RNF216: variants seen among roughly 807,000 people sequenced by gnomAD.
The protein encoded by RNF216 is E3 ubiquitin-protein ligase RNF216.
A neutral mutation model predicts 110.8 loss-of-function variants in RNF216; 72 were observed. That is an observed-to-expected ratio of 0.65 (90% CI 0.54 to 0.79). The LOEUF (loss-of-function observed/expected upper bound fraction) is 0.79, where lower values mean the gene tolerates loss of function less well. Among genes scored for constraint, RNF216 ranks in the 30% least tolerant of loss-of-function variants. The pLI is 0.00. For synonymous variants in RNF216, 495 were observed against 407.5 expected (o/e 1.21, Z -2.59); for missense variants, 1,342 against 1,141.2 (o/e 1.18, Z -2.54).
At position 5,660,265 on chromosome 7, in the gene RNF216, C is replaced by CTTTTTTTTTTTTT. The variant is rs66617363; in HGVS notation, c.2062-7768_2062-7756dup. 3.3e-4 allele frequency among the ~76,000 whole-genome samples: 11 copies of CTTTTTTTTTTTTT among 33,650 alleles called. 3 individuals are homozygous for CTTTTTTTTTTTTT. The highest frequency in any genetic ancestry group is 1.1e-3 in the South Asian group (1 of 920). The allele number at this position is 33,650 out of a possible 152,430, so 22.1% of individuals were successfully genotyped here. A position where few individuals can be genotyped will look rare whatever the true frequency, so the allele number is the denominator to read the frequency against. On this transcript the variant is annotated intron_variant, in intron 13 of 16. Transcript: ENST00000389902. ...ACAGAGCCCGGCCCTGTTTTAAATT[C>CTTTTTTTTTTTTT]TTTTTTTTTTTTTTTTTTTTTTTTT...
Position 5,622,821 on chromosome 7 carries a change from C to T in RNF216, c.*39G>A. 6.4e-7 allele frequency: 1 copy of T among 1,550,596 alleles called. No individual in the cohort carries two copies. The highest frequency in any genetic ancestry group is 2.3e-5 in the East Asian group (1 of 44,142). On this transcript the variant is annotated 3_prime_UTR_variant, in exon 17 of 17. Transcript: ENST00000389902. ...GGGTTCTCCATCCACACTCCTACCC[C>T]AAACGGGCTTTGTGCTGCTCAATGG...
In RNF216 at chr7:5,715,139, C is replaced by A. The variant is rs1461363835; in HGVS notation, c.1747G>T (p.Glu583Ter). 1 of 1,613,908 alleles carries A rather than the reference C, an allele frequency of 6.2e-7. No individual in the cohort carries two copies. Among genetic ancestry groups the A allele is most frequent in the East Asian group, 2.2e-5 (1 of 44,888 alleles). ...TGAGCATCTGCGCACTGCGTCAGCT[C>A]CTCGAATGGAAATTCCCCATAGCAG... ...RCCYGEFPFEELTQCADAHLF... is the reference protein window; with the variant it reads ...RCCYGEFPFE The change falls in exon 11 of 17, where the codon GAG (glutamate) becomes TAG (stop). Residue 583 changes from glutamate to a stop codon, truncating the protein, a stop_gained. Coordinates refer to ENST00000389902, the MANE Select transcript of RNF216 (RefSeq NM_207111.4). LOFTEE classifies it high-confidence loss of function.
At chr7:5,631,908 G>A (rs1214381507) in intron 15 of RNF216, among the ~76,000 whole-genome samples, 2 of 152,166 alleles carry the variant, frequency 1.3e-5, no homozygotes, top group African/African-American at 2.4e-5. Context: ...TGCCTTGTAC[G>A]GATTGCTTAG....
chr7:5,623,120 C>A lies in RNF216; in HGVS notation c.2512G>T (p.Val838Leu). ...LEKPVEKVQR[V>L]EALPRPVPQN... ...GGAACGGGCCTCGGGAGGGCCTCCA[C>A]CCTCTGCACCTTCTCCACAGGCTTC... Residue 838 changes from valine (V) to leucine (L), a missense_variant, in exon 17 of 17, where the codon GTG becomes TTG. By Grantham distance (32) the Val-to-Leu change is conservative. Coordinates refer to ENST00000389902, the MANE Select transcript of RNF216 (RefSeq NM_207111.4). The A allele has an allele frequency of 6.2e-7, 1 of 1,600,216 alleles. No individual in the cohort carries two copies. The highest frequency in any genetic ancestry group is 8.6e-7 in the Non-Finnish European group (1 of 1,169,496).
chr7:5,630,076 G>A (rs1786977322), intron 15 of RNF216, among the ~76,000 whole-genome samples: 1 of 151,990 alleles, frequency 6.6e-6, no homozygotes, highest in African/African-American at 2.4e-5. Flanking sequence ...CTGGGAGAGG[G>A]GAAAAATAGA....
At chr7:5,715,873 T>TG (rs1375533307) in intron 10 of RNF216, among the ~76,000 whole-genome samples, 1 of 150,684 alleles carries the variant, frequency 6.6e-6, no homozygotes, top group African/African-American at 2.4e-5. Flanking sequence ...TCCCGAGTAG[T>TG]GGGGATTACA....
At chr7:5,731,818 C>T (rs1415185862) in intron 5 of RNF216, among the ~76,000 whole-genome samples, 4 of 146,320 alleles carry the variant, frequency 2.7e-5, no homozygotes, top group Non-Finnish European at 5.9e-5. Flanking sequence ...AATAGTAGAA[C>T]AGGAGGTCTG....
At chr7:5,676,391 G>A (rs1790299527) in intron 13 of RNF216, among the ~76,000 whole-genome samples, 2 of 152,178 alleles carry the variant, frequency 1.3e-5, no homozygotes, top group African/African-American at 4.8e-5. Context: ...AAACAAAGCT[G>A]CCCTTAAAAG....
Position 5,729,499 on chromosome 7 carries a change from A to T in RNF216, c.1322T>A (p.Val441Glu), listed in dbSNP as rs1793959882. Residue 441 changes from valine (V) to glutamate (E), a missense_variant, in exon 7 of 17, where the codon GTG (valine) becomes GAG (glutamate). Transcript: ENST00000389902. ...AADLLMADFK[V>E]LSSQDIKWAL... Reference sequence around the variant, plus strand: ...CCACTTGATGTCCTGACTACTGAGCACTTTGAAGTCGGCCATGAGGAGGTC... The same window carrying T: ...CCACTTGATGTCCTGACTACTGAGCTCTTTGAAGTCGGCCATGAGGAGGTC... 1 of 1,614,168 alleles carries T rather than the reference A, an allele frequency of 6.2e-7. No individual in the cohort carries two copies. Among genetic ancestry groups the T allele is most frequent in the African/African-American group, 1.3e-5 (1 of 75,040 alleles).
intron 4 of RNF216, among the ~76,000 whole-genome samples, chr7:5,740,104 C>CTTTTTTTTTTTTTTTTTTTTTT (rs71004698): frequency 2.5e-5 from 3 of 118,488 alleles, no homozygotes; most frequent in South Asian, 2.7e-4. Context: ...GATGTAACAC[C>CTTTTTTTTTTTTTTTTTTTTTT]TTTTTTTTTT....
intron 15 of RNF216, among the ~76,000 whole-genome samples, chr7:5,635,129 C>A (rs1409566717): frequency 6.6e-6 from 1 of 152,140 alleles, no homozygotes; most frequent in Non-Finnish European, 1.5e-5. Flanking sequence ...TCTCCCTCAT[C>A]TGCAAAATAG....
At chr7:5,651,458 G>A (rs1788383517) in intron 14 of RNF216, among the ~76,000 whole-genome samples, 1 of 151,900 alleles carries the variant, frequency 6.6e-6, no homozygotes, top group South Asian at 2.1e-4. Flanking sequence ...TCTCAAATTC[G>A]TGAGCTCAAG....
chr7:5,766,919 C>T (rs1796238605), intron 1 of RNF216: 1 of 152,180 alleles, frequency 6.6e-6, no homozygotes, highest in Admixed American at 6.5e-5. Context: ...ATGATAATGT[C>T]CTTGGGTCCT....
chr7:5,646,450 T>A (rs532083161), intron 14 of RNF216, among the ~76,000 whole-genome samples: 1 of 151,912 alleles, frequency 6.6e-6, no homozygotes, highest in East Asian at 1.9e-4. Flanking sequence ...TCCCAGCACC[T>A]TGGGAGGCAG....
intron 2 of RNF216, among the ~76,000 whole-genome samples, chr7:5,759,637 T>TC: frequency 6.9e-6 from 1 of 145,376 alleles, no homozygotes; most frequent in Non-Finnish European, 1.5e-5. Flanking sequence ...TTTCTTCTTT[T>TC]TTTTTTTTTT....
chr7:5,624,251 T>G lies in RNF216; in HGVS notation c.2383-126A>C. On this transcript the variant is annotated intron_variant, in intron 15 of 16. Transcript: ENST00000389902. The surrounding 1 kb of genome is among the most constrained non-coding windows in gnomAD (Gnocchi z 4.4). ...AAGCCCGAAGCCTGCTGCTGGCCAG[T>G]GGGGCCTGGGCTGCACACCGTTCCT... The G allele has an allele frequency of 1.4e-6, 1 of 732,572 alleles. No homozygotes were observed. The highest frequency in any genetic ancestry group is 2.3e-6 in the Non-Finnish European group (1 of 435,084). 45.4% of individuals were successfully genotyped at this position (732,572 alleles called of 1,614,324 possible). A position where few individuals can be genotyped will look rare whatever the true frequency, so the allele number is the denominator to read the frequency against.
chr7:5,743,899 T>C (rs1410798696), intron 3 of RNF216, among the ~76,000 whole-genome samples: 1 of 152,206 alleles, frequency 6.6e-6, no homozygotes, highest in African/African-American at 2.4e-5. Flanking sequence ...GCTGGTGCTC[T>C]TACTCTTCTT....
chr7:5,778,047 G>A lies in RNF216; in HGVS notation c.-70+3494C>T, dbSNP rs148710454. On this transcript the variant is annotated intron_variant, in intron 1 of 16. Coordinates refer to ENST00000389902, the MANE Select transcript of RNF216 (RefSeq NM_207111.4). ...CTGCTTCTAGCCCAAGTACTGCCTT[G>A]CAGGCTCCATCCCTTGACATGTTTT... is the stretch of plus-strand genomic sequence containing the variant. 4.8e-3 allele frequency among the ~76,000 whole-genome samples: 731 copies of A among 152,318 alleles called. 2 individuals carry two copies. The highest frequency in any genetic ancestry group is 7.6e-3 in the Non-Finnish European group (514 of 68,030).
chr7:5,734,090 G>T (rs1414149681), intron 5 of RNF216, among the ~76,000 whole-genome samples: 1 of 152,178 alleles, frequency 6.6e-6, no homozygotes, highest in Non-Finnish European at 1.5e-5. Context: ...CAATTCTGCT[G>T]GAAGACACAA....
Sources: gnomAD v4.1 joint callset for allele counts (sites outside exome capture counted in the v4.1 genomes callset) on GRCh38, gnomAD v4.1.1 for gene constraint, Gnocchi (gnomAD v3.1) non-coding constraint, MANE v1.5 for transcripts, NCBI Gene and HGNC (gene_info 2026-07-23, HGNC 2026-07-21) for gene names.